FAM193A: variants seen among roughly 807,000 people sequenced by gnomAD.
FAM193A encodes family with sequence similarity 193 member A.
Under a neutral mutation model 126.5 loss-of-function variants are expected in FAM193A, and 22 were observed. The ratio of observed to expected loss-of-function variants is 0.17; its 90% confidence interval spans 0.12 to 0.25. The LOEUF (loss-of-function observed/expected upper bound fraction) is 0.25. Among genes scored for constraint, FAM193A ranks in the 10% least tolerant of loss-of-function variants. The pLI is 1.00. For missense variants in FAM193A, 1,675 were observed against 1,672.8 expected (o/e 1.00, Z -0.02); for synonymous variants, 761 against 646.8 (o/e 1.18, Z -2.68).
intron 5 of FAM193A, among the ~76,000 whole-genome samples, chr4:2,638,323 G>A (rs1744290214): frequency 6.6e-6 from 1 of 152,232 alleles, no homozygotes. Flanking sequence ...GGCCTGGGCA[G>A]CATGGGCTTG....
Position 2,694,976 on chromosome 4 carries a change from G to C in FAM193A, c.3123G>C (p.Glu1041Asp). 1 of 1,604,476 alleles carries C rather than the reference G, an allele frequency of 6.2e-7. No homozygotes were observed. The highest frequency in any genetic ancestry group is 8.5e-7 in the Non-Finnish European group (1 of 1,176,084). Residue 1041 changes from glutamate to aspartate, a missense_variant, in exon 17 of 21, where the codon GAG becomes GAC. Glu to Asp is a conservative substitution (Grantham distance 45). Transcript: ENST00000637812. ...CTGACTGCGAAGGGCACCGCTGCGA[G>C]AATGGTGTCTACGACCCACAGCAGG... The part of the protein sequence containing the change: ...SDPDCEGHRC[E>D]NGVYDPQQDD...
intron 20 of FAM193A, among the ~76,000 whole-genome samples, chr4:2,722,163 G>T (rs1720237498): frequency 6.6e-6 from 1 of 152,198 alleles, no homozygotes; most frequent in African/African-American, 2.4e-5. Flanking sequence ...TGTGACCTGG[G>T]GGTGCTGTGA....
intron 1 of FAM193A, among the ~76,000 whole-genome samples, chr4:2,565,160 CTT>C (rs1057124329): frequency 2.0e-5 from 3 of 147,980 alleles, no homozygotes; most frequent in East Asian, 4.0e-4. Context: ...GTTGAGTACT[CTT>C]TTGATGAGAC....
intron 20 of FAM193A, among the ~76,000 whole-genome samples, chr4:2,730,945 C>G (rs1450198976): frequency 1.3e-5 from 2 of 151,968 alleles, no homozygotes; most frequent in Non-Finnish European, 2.9e-5. Flanking sequence ...GCCTGTAATC[C>G]CAGCACTTTG....
intron 1 of FAM193A, among the ~76,000 whole-genome samples, chr4:2,584,903 G>T (rs1002109024): frequency 6.6e-6 from 1 of 151,384 alleles, no homozygotes. Context: ...CCAGCCTGGC[G>T]ACAGAGCAAG....
At chr4:2,710,079 T>G (rs1452821071) in intron 19 of FAM193A, among the ~76,000 whole-genome samples, 3 of 152,072 alleles carry the variant, frequency 2.0e-5, no homozygotes, top group Admixed American at 6.6e-5. Flanking sequence ...TCTCCCTATT[T>G]TGCTTAAGTT....
intron 1 of FAM193A, among the ~76,000 whole-genome samples, chr4:2,586,781 G>A (rs1347783075): frequency 6.6e-6 from 1 of 151,996 alleles, no homozygotes; most frequent in East Asian, 1.9e-4. Context: ...AGCCTCCTGA[G>A]TGGCTGGGAC....
intron 1 of FAM193A, among the ~76,000 whole-genome samples, chr4:2,588,071 G>C (rs1023142326): frequency 6.6e-6 from 1 of 152,228 alleles, no homozygotes. Context: ...AAAGATTGCT[G>C]GTGCTCACAC....
intron 2 of FAM193A, chr4:2,608,079 T>C: frequency 1.2e-6 from 2 of 1,609,312 alleles, no homozygotes; most frequent in Non-Finnish European, 1.7e-6. Context: ...GAAGCCGGCC[T>C]GATTCACTCC....
chr4:2,721,832 G>A (rs527354936), intron 20 of FAM193A, among the ~76,000 whole-genome samples: 10 of 152,326 alleles, frequency 6.6e-5, no homozygotes, highest in East Asian at 5.8e-4. Flanking sequence ...TCCCGGGGGC[G>A]GGGCAAACGT....
chr4:2,693,925 T>C, intron 16 of FAM193A, 51 bp downstream of exon 16: 1 of 1,552,920 alleles, frequency 6.4e-7, no homozygotes, highest in South Asian at 1.2e-5. Context: ...AAATGGGTGT[T>C]ATGCCTCACT....
At chr4:2,687,017 C>A (rs964815528) in intron 13 of FAM193A, among the ~76,000 whole-genome samples, 2 of 152,070 alleles carry the variant, frequency 1.3e-5, no homozygotes, top group Admixed American at 1.3e-4. Flanking sequence ...TTTACTGTAT[C>A]CTGGGTGGCC....
intron 2 of FAM193A, among the ~76,000 whole-genome samples, chr4:2,620,195 T>C (rs961339619): frequency 4.6e-5 from 7 of 152,172 alleles, no homozygotes; most frequent in Non-Finnish European, 8.8e-5. Context: ...ATGGGACACA[T>C]TTAAGGATTT....
intron 1 of FAM193A, among the ~76,000 whole-genome samples, chr4:2,546,793 G>A (rs1487350121): frequency 6.6e-6 from 1 of 152,124 alleles, no homozygotes; most frequent in Non-Finnish European, 1.5e-5. Context: ...CCAAGGAGTA[G>A]GAGCTGGTCA....
At chr4:2,689,295 A>C (rs1041924680) in intron 13 of FAM193A, among the ~76,000 whole-genome samples, 1 of 152,190 alleles carries the variant, frequency 6.6e-6, no homozygotes, top group East Asian at 1.9e-4. Context: ...GTTGCTTTTC[A>C]TATCTACATC....
intron 20 of FAM193A, among the ~76,000 whole-genome samples, chr4:2,719,740 C>CA (rs369345535): frequency 0.48 from 49,357 of 102,156 alleles, 12,622 homozygotes; most frequent in Admixed American, 0.62. Flanking sequence ...GAGACACTCT[C>CA]AAAAAAAAAA....
At chr4:2,730,927 T>A (rs1031825210) in intron 20 of FAM193A, among the ~76,000 whole-genome samples, 2 of 152,044 alleles carry the variant, frequency 1.3e-5, no homozygotes, top group African/African-American at 4.8e-5. Flanking sequence ...CCAGGCACAG[T>A]GGCTCACGCC....
At chr4:2,707,429 T>C (rs552209812) in intron 19 of FAM193A, among the ~76,000 whole-genome samples, 2 of 152,304 alleles carry the variant, frequency 1.3e-5, no homozygotes, top group South Asian at 2.1e-4. Context: ...CCATTAGTTA[T>C]ATGTCATTAT....
intron 2 of FAM193A, among the ~76,000 whole-genome samples, chr4:2,597,813 A>G (rs554112106): frequency 4.6e-5 from 7 of 152,270 alleles, no homozygotes; most frequent in Admixed American, 2.0e-4. Context: ...TACCACAGCT[A>G]AGCTACAGAA....
Sources: gnomAD v4.1 joint callset for allele counts (sites outside exome capture counted in the v4.1 genomes callset) on GRCh38, gnomAD v4.1.1 for gene constraint, MANE v1.5 for transcripts, NCBI Gene and HGNC (gene_info 2026-07-23, HGNC 2026-07-21) for gene names.